The following SERPINA12 variants were observed in gnomAD, a reference collection of about 807,000 sequenced individuals.
The protein encoded by SERPINA12 is serpin A12.
SERPINA12 carries 21 observed loss-of-function variants against 25.9 expected under a neutral mutation model. The observed-to-expected ratio is 0.81, with a 90% CI of 0.58 to 1.17. The LOEUF is 1.17. Among genes scored for constraint, SERPINA12 ranks in the 50% most tolerant of loss-of-function variants. The pLI is 0.00. For synonymous variants in SERPINA12, 220 were observed against 196.0 expected, an observed-to-expected ratio of 1.12 and a Z score of -1.02; for missense variants, 562 against 508.3, an observed-to-expected ratio of 1.11 and a Z score of -1.02.
intron 3 of SERPINA12, among the ~76,000 whole-genome samples, chr14:94,491,851 G>A (rs891063067): frequency 2.6e-5 from 4 of 152,136 alleles, no homozygotes; most frequent in Admixed American, 6.5e-5. Flanking sequence ...AAAGATCCAC[G>A]ACTCTGGAAT....
At chr14:94,515,321 G>T (rs1164364453) in intron 2 of SERPINA12, among the ~76,000 whole-genome samples, 1 of 152,150 alleles carries the variant, frequency 6.6e-6, no homozygotes, top group African/African-American at 2.4e-5. Context: ...GGTCCGGGAA[G>T]GCTTCCTGGA....
chr14:94,489,861 C>A, intron 3 of SERPINA12, 94 bp from the exon 4 acceptor site: 2 of 1,303,958 alleles, frequency 1.5e-6, no homozygotes, highest in Non-Finnish European at 2.2e-6. Flanking sequence ...TGTGTCCTCC[C>A]AGCCCCAAAG....
chr14:94,509,234 A>AAAG (rs1216237850), intron 1 of SERPINA12, among the ~76,000 whole-genome samples, 108 bp downstream of exon 1: 1 of 151,090 alleles, frequency 6.6e-6, no homozygotes, highest in Non-Finnish European at 1.5e-5. Context: ...TATTTGAGTG[A>AAAG]TCACCTTGGC....
chr14:94,493,577 C>T (rs1422903309), intron 3 of SERPINA12, among the ~76,000 whole-genome samples: 1 of 152,170 alleles, frequency 6.6e-6, no homozygotes, highest in Non-Finnish European at 1.5e-5. Context: ...CACAAGACGC[C>T]ACTGAGAGCA....
At chr14:94,491,318 A>G (rs562381649) in intron 3 of SERPINA12, among the ~76,000 whole-genome samples, 2 of 152,348 alleles carry the variant, frequency 1.3e-5, no homozygotes, top group African/African-American at 4.8e-5. Context: ...GCAGGAATCG[A>G]GGATTGGTCC....
intron 1 of SERPINA12, chr14:94,516,159 A>C (rs1901226640): frequency 6.6e-6 from 1 of 152,466 alleles, no homozygotes; most frequent in East Asian, 1.9e-4. Flanking sequence ...GCAACACTGC[A>C]AAGAGTGATA....
At chr14:94,496,671 T>A in intron 2 of SERPINA12, 28 bp from the exon 3 acceptor site, 1 of 1,607,354 alleles carries the variant, frequency 6.2e-7, no homozygotes, top group African/African-American at 1.3e-5. Flanking sequence ...CAAACAGACA[T>A]GTTATCCCAA....
chr14:94,497,593 G>A (rs948978460), intron 2 of SERPINA12, among the ~76,000 whole-genome samples, 171 bp downstream of exon 2: 5 of 152,160 alleles, frequency 3.3e-5, no homozygotes, highest in African/African-American at 4.8e-5. Context: ...CTCAATAACT[G>A]TATGAGTTAT....
chr14:94,498,295 C>T lies in SERPINA12; in HGVS notation c.103G>A (p.Glu35Lys), dbSNP rs200162086. The change falls in exon 2 of 5, where the codon GAG becomes AAG. Residue 35 changes from glutamate (E) to lysine (K), a missense_variant. Coordinates refer to ENST00000677451, the MANE Select transcript of SERPINA12 (RefSeq NM_001382267.1). ...ATCCTTTGCTTCCATCCTTGGACCT[C>T]GCTCAAAGCTTTATAATTCCTTGGT... The part of the protein sequence containing the change: ...FSPRNYKALS[E>K]VQGWKQRMAA... 19 of 1,614,204 alleles carry T rather than the reference C, an allele frequency of 1.2e-5. No individual in the cohort carries two copies. The highest frequency in any genetic ancestry group is 8.0e-5 in the African/African-American group (6 of 75,038).
intron 2 of SERPINA12, chr14:94,515,716 G>A (rs532915113): frequency 1.3e-4 from 20 of 152,652 alleles, no homozygotes; most frequent in African/African-American, 4.8e-4. Flanking sequence ...AAACAGTGCA[G>A]ATGCGGGCAA....
In SERPINA12 at chr14:94,498,003, A is replaced by C; in HGVS notation, c.395T>G (p.Leu132Arg). ...ELTQKTQDLKLSIGNTLFIDQ... is the reference protein window; with the variant it reads ...ELTQKTQDLKRSIGNTLFIDQ... ...AATGAACAGCGTGTTCCCAATGCTC[A>C]GTTTGAGGTCCTGGGTCTTCTGGGT... is the stretch of plus-strand genomic sequence containing the variant. The change falls in exon 2 of 5, where the codon CTG (leucine) becomes CGG (arginine). Residue 132 changes from leucine (L) to arginine (R), a missense_variant. Transcript: ENST00000677451. The C allele has an allele frequency of 6.2e-7, 1 of 1,614,126 alleles. No homozygotes were observed. The highest frequency in any genetic ancestry group is 8.5e-7 in the Non-Finnish European group (1 of 1,180,018).
intron 4 of SERPINA12, 32 bp from the exon 5 acceptor site, chr14:94,487,526 C>T (rs1225770466): frequency 6.4e-7 from 1 of 1,568,662 alleles, no homozygotes; most frequent in East Asian, 2.3e-5. Flanking sequence ...TCAAGGTCTG[C>T]CAAGCTCCTT....
Position 94,487,292 on chromosome 14 carries a change from G to A in SERPINA12, c.*11C>T, listed in dbSNP as rs765710125. On this transcript the variant is annotated 3_prime_UTR_variant, in exon 5 of 5. Transcript: ENST00000677451. Reference sequence around the variant, plus strand: ...CCATGTTCGGGGTCTGTGGCAAGCAGGAATTCTCCTTTATTTTCCAATAGG... The same window carrying A: ...CCATGTTCGGGGTCTGTGGCAAGCAAGAATTCTCCTTTATTTTCCAATAGG... 1.2e-6 allele frequency: 2 copies of A among 1,608,360 alleles called. No individual in the cohort carries two copies. Among genetic ancestry groups the A allele is most frequent in the South Asian group, 1.1e-5 (1 of 90,292 alleles).
upstream of SERPINA12, chr14:94,510,357 T>C (rs1901077310): frequency 1.5e-6 from 1 of 651,280 alleles, no homozygotes; most frequent in Non-Finnish European, 1.9e-6. Flanking sequence ...TTGCTCAACA[T>C]TACTAACCAT....
chr14:94,490,339 C>A (rs1419482179), intron 3 of SERPINA12, among the ~76,000 whole-genome samples: 3 of 152,228 alleles, frequency 2.0e-5, no homozygotes, highest in East Asian at 1.9e-4. Flanking sequence ...TGCCCATCCT[C>A]CTGCCCTCCA....
upstream of SERPINA12, chr14:94,511,369 C>T (rs772506741): frequency 1.2e-5 from 12 of 978,496 alleles, no homozygotes; most frequent in African/African-American, 3.5e-5. Context: ...AAATGTCACA[C>T]GGTTATTTAA....
At chr14:94,495,397 A>G (rs1217780372) in intron 3 of SERPINA12, among the ~76,000 whole-genome samples, 1 of 151,972 alleles carries the variant, frequency 6.6e-6, no homozygotes, top group Non-Finnish European at 1.5e-5. Flanking sequence ...TCTGCAGCTC[A>G]CTCTAGATAT....
chr14:94,508,812 TA>T (rs1296957325), intron 1 of SERPINA12, among the ~76,000 whole-genome samples: 32 of 152,316 alleles, frequency 2.1e-4, no homozygotes, highest in African/African-American at 7.5e-4. Flanking sequence ...AAAATTTGGG[TA>T]AATATGCATT....
At chr14:94,489,352 A>G (rs1463793809) in intron 4 of SERPINA12, among the ~76,000 whole-genome samples, 2 of 152,256 alleles carry the variant, frequency 1.3e-5, no homozygotes, top group East Asian at 1.9e-4. Context: ...TCTAGGCCTG[A>G]TAACTGTTCC....
Sources: allele counts gnomAD v4.1 joint callset (sites outside exome capture counted in the v4.1 genomes callset), GRCh38; gene constraint gnomAD v4.1.1; transcripts MANE v1.5; gene names NCBI Gene and HGNC (gene_info 2026-07-23, HGNC 2026-07-21).